The following BAIAP2L1 variants were observed in gnomAD, a reference collection of about 807,000 sequenced individuals.
BAIAP2L1 encodes BAR/IMD domain containing adaptor protein 2 like 1.
A neutral mutation model predicts 66.3 loss-of-function variants in BAIAP2L1; 35 were observed. That is an observed-to-expected ratio of 0.53 (90% CI 0.40 to 0.70). The LOEUF is 0.70. Ranked by LOEUF, BAIAP2L1 falls within the 30% of genes least tolerant of loss-of-function variation. The probability of loss-of-function intolerance (pLI) is 0.00; values close to 1 mark genes in which losing one functional copy is unlikely to be tolerated. For missense variants in BAIAP2L1, 622 were observed against 656.9 expected (o/e 0.95, Z 0.58); for synonymous variants, 269 against 248.7 (o/e 1.08, Z -0.77).
rs189956129 is a variant in BAIAP2L1 at position 98,393,030 on chromosome 7, T to C, written c.51+7772A>G. ...TTGTGTATATATATACATACACACATATATATACATATATACGTGTACATA... is the reference window on the plus strand; with the variant it reads ...TTGTGTATATATATACATACACACACATATATACATATATACGTGTACATA... On this transcript the variant is annotated intron_variant, in intron 1 of 13. Transcript: ENST00000005260. 2.1e-4 allele frequency among the ~76,000 whole-genome samples: 26 copies of C among 124,948 alleles called. 2 individuals carry two copies. The highest frequency in any genetic ancestry group is 3.7e-4 in the African/African-American group (12 of 32,722). 82.0% of individuals were successfully genotyped at this position (124,948 alleles called of 152,430 possible). A position where few individuals can be genotyped will look rare whatever the true frequency, so the allele number is the denominator to read the frequency against.
intron 1 of BAIAP2L1, among the ~76,000 whole-genome samples, chr7:98,379,615 G>T (rs1419737521): frequency 1.3e-5 from 2 of 152,088 alleles, no homozygotes; most frequent in Non-Finnish European, 2.9e-5. Flanking sequence ...TAAATTCCCT[G>T]TGAAATACAA....
At chr7:98,393,031 A>C (rs1287511910) in intron 1 of BAIAP2L1, among the ~76,000 whole-genome samples, 14 of 103,476 alleles carry the variant, frequency 1.4e-4, no homozygotes, top group Admixed American at 1.1e-3. Context: ...ATACACACAT[A>C]TATATACATA....
Position 98,400,918 on chromosome 7 carries a change from G to A in BAIAP2L1, c.-66C>T. ...TGGGCCTCGTGGCCGCCGGACTCCG[G>A]GCAGCGGGAGGGCCGGGGCGCGACT... On this transcript the variant is annotated 5_prime_UTR_variant, in exon 1 of 14. Coordinates refer to ENST00000005260, the MANE Select transcript of BAIAP2L1 (RefSeq NM_018842.5). 2.1e-6 allele frequency: 3 copies of A among 1,439,350 alleles called. No individual in the cohort carries two copies. The highest frequency in any genetic ancestry group is 2.7e-6 in the Non-Finnish European group (3 of 1,093,120). 89.2% of individuals were successfully genotyped at this position (1,439,350 alleles called of 1,614,324 possible).
At chr7:98,299,735 T>C (rs1215748179) in intron 12 of BAIAP2L1, among the ~76,000 whole-genome samples, 1 of 152,160 alleles carries the variant, frequency 6.6e-6, no homozygotes, top group African/African-American at 2.4e-5. Flanking sequence ...CCACTAGCTG[T>C]ATATGGCTAC....
intron 12 of BAIAP2L1, among the ~76,000 whole-genome samples, chr7:98,296,375 C>T (rs1427858936): frequency 6.6e-6 from 1 of 152,200 alleles, no homozygotes; most frequent in African/African-American, 2.4e-5. Context: ...CCTGTAATCC[C>T]AGCACTTTGG....
chr7:98,351,195 A>G (rs1801991460), intron 3 of BAIAP2L1, among the ~76,000 whole-genome samples: 1 of 152,186 alleles, frequency 6.6e-6, no homozygotes, highest in Non-Finnish European at 1.5e-5. Flanking sequence ...GCATGCTGGT[A>G]AAACCACACA....
At chr7:98,346,672 C>G (rs933808287) in intron 3 of BAIAP2L1, among the ~76,000 whole-genome samples, 2 of 152,148 alleles carry the variant, frequency 1.3e-5, no homozygotes, top group Admixed American at 6.6e-5. Flanking sequence ...CAGAGCATCC[C>G]CACAGACAGC....
chr7:98,384,211 G>A (rs1802832908), intron 1 of BAIAP2L1, among the ~76,000 whole-genome samples: 1 of 150,882 alleles, frequency 6.6e-6, no homozygotes, highest in South Asian at 2.1e-4. Flanking sequence ...CGTCTTACAC[G>A]GAAACAGGTA....
chr7:98,337,580 C>T (rs1046603248), intron 3 of BAIAP2L1, among the ~76,000 whole-genome samples: 1 of 152,182 alleles, frequency 6.6e-6, no homozygotes, highest in Non-Finnish European at 1.5e-5. Flanking sequence ...TTCCAGAGTG[C>T]CAGAAAACAC....
rs1802770459 is a variant in BAIAP2L1, at chr7:98,381,946, G to C, written c.51+18856C>G. Among the ~76,000 whole-genome samples the C allele has an allele frequency of 3.9e-5, 5 of 129,178 alleles. No homozygotes were observed. The South Asian group carries it at 1.2e-3, about 31-fold the overall frequency. The allele number at this position is 129,178 out of a possible 152,430, so 84.7% of individuals were successfully genotyped here. ...TCTAAGGGTTTTTTTTTTTTTTTGA[G>C]ATGGAGTCTCGCTCTGTCACCCAGG... On this transcript the variant is annotated intron_variant, in intron 1 of 13. Coordinates refer to ENST00000005260, the MANE Select transcript of BAIAP2L1 (RefSeq NM_018842.5).
intron 1 of BAIAP2L1, among the ~76,000 whole-genome samples, chr7:98,384,027 G>A (rs1427179805): frequency 6.6e-6 from 1 of 151,992 alleles, no homozygotes; most frequent in Admixed American, 6.6e-5. Flanking sequence ...GGTGGCACGT[G>A]CCTGTAATCC....
intron 1 of BAIAP2L1, among the ~76,000 whole-genome samples, chr7:98,373,021 C>A (rs188004970): frequency 6.6e-6 from 1 of 152,084 alleles, no homozygotes; most frequent in East Asian, 1.9e-4. Flanking sequence ...ACTACAGGTG[C>A]GAGCCAGCAC....
At chr7:98,313,978 CTT>C (rs1163135871) in intron 7 of BAIAP2L1, among the ~76,000 whole-genome samples, 6 of 120,232 alleles carry the variant, frequency 5.0e-5, no homozygotes, top group Non-Finnish European at 1.1e-4. Context: ...ACTCCTTTTT[CTT>C]CCTTTTTTTT....
intron 5 of BAIAP2L1, among the ~76,000 whole-genome samples, chr7:98,318,226 TTC>T (rs908374819): frequency 3.3e-5 from 5 of 152,230 alleles, no homozygotes; most frequent in African/African-American, 1.2e-4. Context: ...TAAGGACATC[TTC>T]TCTTTCTTTT....
intron 1 of BAIAP2L1, among the ~76,000 whole-genome samples, chr7:98,384,953 C>T (rs961707569): frequency 6.6e-6 from 1 of 152,174 alleles, no homozygotes; most frequent in Non-Finnish European, 1.5e-5. Flanking sequence ...ACCACCTTGG[C>T]CACCCAAAGT....
chr7:98,376,941 A>G (rs1468159921), intron 1 of BAIAP2L1, among the ~76,000 whole-genome samples: 2 of 152,184 alleles, frequency 1.3e-5, no homozygotes, highest in African/African-American at 2.4e-5. Flanking sequence ...ACTTTTATTT[A>G]AAGTTGACTT....
intron 3 of BAIAP2L1, among the ~76,000 whole-genome samples, chr7:98,329,326 G>A (rs1801441832): frequency 1.3e-5 from 2 of 152,232 alleles, no homozygotes; most frequent in Admixed American, 6.5e-5. Flanking sequence ...AGGGAGCAGA[G>A]ACCAATGCTG....
chr7:98,304,514 A>ACACACACAGT (rs1443093399), intron 11 of BAIAP2L1, 138 bp from the exon 12 acceptor site: 1 of 866,350 alleles, frequency 1.2e-6, no homozygotes, highest in East Asian at 2.7e-5. Context: ...ACACACACAG[A>ACACACACAGT]CACACACAGT....
intron 1 of BAIAP2L1, among the ~76,000 whole-genome samples, chr7:98,371,105 A>G (rs1802502140): frequency 1.3e-5 from 2 of 152,178 alleles, no homozygotes; most frequent in South Asian, 4.1e-4. Flanking sequence ...ATCCATTTTA[A>G]TTTAAGTTTG....
Sources: gnomAD v4.1 joint callset for allele counts (sites outside exome capture counted in the v4.1 genomes callset) on GRCh38, gnomAD v4.1.1 for gene constraint, MANE v1.5 for transcripts, NCBI Gene and HGNC (gene_info 2026-07-23, HGNC 2026-07-21) for gene names.